The following FHIT variants were observed in gnomAD, a reference collection of about 807,000 sequenced individuals.
FHIT encodes fragile histidine triad diadenosine triphosphatase.
Under a neutral mutation model 17.9 loss-of-function variants are expected in FHIT, and 19 were observed. That is an observed-to-expected ratio of 1.06 (90% CI 0.74 to 1.56). The LOEUF is 1.56. Among genes scored for constraint, FHIT ranks in the 40% most tolerant of loss-of-function variants. The probability of loss-of-function intolerance (pLI) is 0.00; values close to 1 mark genes in which losing one functional copy is unlikely to be tolerated. For missense variants in FHIT, 248 were observed against 189.2 expected (o/e 1.31, Z -1.82); for synonymous variants, 81 against 69.7 (o/e 1.16, Z -0.81).
rs529007062 is a variant in FHIT at position 60,278,559 on chromosome 3, G to A, written c.103+258301C>T. Among the ~76,000 whole-genome samples, 3 of 152,188 alleles carry A rather than the reference G, an allele frequency of 2.0e-5. No individual in the cohort carries two copies. In the East Asian group the frequency reaches 5.8e-4, roughly 29 times the overall value. On this transcript the variant is annotated intron_variant, in intron 5 of 9. Coordinates refer to ENST00000492590, the MANE Select transcript of FHIT (RefSeq NM_002012.4). ...AGGTCTTTGGTGATTACAACTGAGA[G>A]GTGAAACACACAGACTCTATTGAAT...
intron 3 of FHIT, among the ~76,000 whole-genome samples, chr3:60,862,891 A>G (rs970647248): frequency 2.0e-5 from 3 of 152,174 alleles, no homozygotes; most frequent in Admixed American, 6.5e-5. Flanking sequence ...TGGTTATCCA[A>G]TTAAACACTA....
chr3:59,779,680 C>G (rs181398527), intron 8 of FHIT, among the ~76,000 whole-genome samples: 1 of 152,248 alleles, frequency 6.6e-6, no homozygotes, highest in South Asian at 2.1e-4. Context: ...TCCGGGCATA[C>G]GAGGTTATCA....
intron 5 of FHIT, among the ~76,000 whole-genome samples, chr3:60,035,857 T>C (rs1701194123): frequency 6.6e-6 from 1 of 152,230 alleles, no homozygotes; most frequent in Non-Finnish European, 1.5e-5. Flanking sequence ...ATCAATAGGT[T>C]AAGCTAGGTG....
chr3:60,801,429 A>G (rs1386212979), intron 4 of FHIT, among the ~76,000 whole-genome samples: 4 of 152,182 alleles, frequency 2.6e-5, no homozygotes, highest in African/African-American at 7.2e-5. Flanking sequence ...GAAGTGTCCA[A>G]TCCACTAACT....
chr3:60,231,290 A>G (rs1366211771), intron 5 of FHIT, among the ~76,000 whole-genome samples: 1 of 152,228 alleles, frequency 6.6e-6, no homozygotes, highest in Non-Finnish European at 1.5e-5. Flanking sequence ...GTTGGTATCT[A>G]TCATCCAGTA....
chr3:60,469,223 G>A (rs1033998952), intron 5 of FHIT, among the ~76,000 whole-genome samples: 9 of 152,034 alleles, frequency 5.9e-5, no homozygotes, highest in African/African-American at 2.2e-4. Flanking sequence ...GAAGTTTTCT[G>A]TTATCCCTTT....
At chr3:60,861,822 T>C (rs1308710166) in intron 3 of FHIT, among the ~76,000 whole-genome samples, 3 of 151,272 alleles carry the variant, frequency 2.0e-5, no homozygotes, top group Admixed American at 6.6e-5. Flanking sequence ...AAAAAGCTAG[T>C]TTGTGTAGTC....
chr3:60,029,897 C>CTGTGTGTGTGTGTGTGTGTGTGTGTGTG (rs71089569), intron 5 of FHIT, among the ~76,000 whole-genome samples: 1 of 127,822 alleles, frequency 7.8e-6, no homozygotes, highest in African/African-American at 3.3e-5. Flanking sequence ...GTGTGTGTGT[C>CTGTGTGTGTGTGTGTGTGTGTGTGTGTG]TGTGTGTGTG....
At chr3:60,071,808 C>A (rs1030014823) in intron 5 of FHIT, among the ~76,000 whole-genome samples, 8 of 152,104 alleles carry the variant, frequency 5.3e-5, no homozygotes, top group African/African-American at 1.7e-4. Flanking sequence ...GGTAATTGAC[C>A]CATGGGGGCA....
intron 5 of FHIT, among the ~76,000 whole-genome samples, chr3:60,397,569 T>C (rs1007186312): frequency 6.6e-6 from 1 of 152,158 alleles, no homozygotes; most frequent in Non-Finnish European, 1.5e-5. Flanking sequence ...AGTAGCTGAG[T>C]TCTTCAGCCA....
chr3:59,751,051 T>TATAGGAGAGGATCTGTAAC (rs142916620), intron 9 of FHIT: 18,382 of 180,636 alleles, frequency 0.1, 2,981 homozygotes, highest in African/African-American at 0.36. Context: ...AGAAACTATT[T>TATAGGAGAGGATCTGTAAC]ATAGGAGAGG....
chr3:59,979,910 A>G (rs972856732), intron 7 of FHIT, among the ~76,000 whole-genome samples: 1 of 152,204 alleles, frequency 6.6e-6, no homozygotes, highest in Non-Finnish European at 1.5e-5. Flanking sequence ...GAGATGAAAC[A>G]GTAGCTCTTC....
chr3:60,845,465 G>T (rs988314762), intron 3 of FHIT, among the ~76,000 whole-genome samples: 15 of 152,098 alleles, frequency 9.9e-5, no homozygotes, highest in African/African-American at 3.4e-4. Context: ...TCACCAGGAA[G>T]AAAAAAGATA....
intron 5 of FHIT, among the ~76,000 whole-genome samples, chr3:60,466,015 T>G (rs184462358): frequency 2.0e-5 from 3 of 152,256 alleles, no homozygotes; most frequent in African/African-American, 7.2e-5. Flanking sequence ...TTCCAAACCA[T>G]GAACATGGAA....
At chr3:60,042,676 G>A (rs1239929408) in intron 5 of FHIT, among the ~76,000 whole-genome samples, 1 of 151,998 alleles carries the variant, frequency 6.6e-6, no homozygotes, top group Admixed American at 6.6e-5. Flanking sequence ...TGTAAAGGCC[G>A]TCTCCAGATA....
intron 5 of FHIT, among the ~76,000 whole-genome samples, chr3:60,184,515 C>T (rs867645743): frequency 6.6e-6 from 1 of 152,116 alleles, no homozygotes; most frequent in Non-Finnish European, 1.5e-5. Flanking sequence ...GGGAGGAACA[C>T]CACAAAGATA....
intron 5 of FHIT, among the ~76,000 whole-genome samples, chr3:60,123,974 AT>A (rs1705383295): frequency 5.2e-5 from 1 of 19,118 alleles, no homozygotes; most frequent in East Asian, 2.0e-3. Context: ...AAAAATATAT[AT>A]ATATATATAT....
At chr3:59,980,913 A>C (rs185768516) in intron 7 of FHIT, among the ~76,000 whole-genome samples, 1 of 152,316 alleles carries the variant, frequency 6.6e-6, no homozygotes, top group East Asian at 1.9e-4. Flanking sequence ...ATGTGTCCTA[A>C]AATTAATTAT....
intron 8 of FHIT, among the ~76,000 whole-genome samples, chr3:59,868,392 G>A (rs192288582): frequency 6.6e-6 from 1 of 152,234 alleles, no homozygotes; most frequent in East Asian, 1.9e-4. Context: ...AATGATAATG[G>A]GGAATGTGTA....
Sources: gnomAD v4.1 joint callset for allele counts (sites outside exome capture counted in the v4.1 genomes callset) on GRCh38, gnomAD v4.1.1 for gene constraint, MANE v1.5 for transcripts, NCBI Gene and HGNC (gene_info 2026-07-23, HGNC 2026-07-21) for gene names.